Variants in ASNS observed in about 807,000 individuals in gnomAD.
The protein encoded by ASNS is asparagine synthetase [glutamine-hydrolyzing].
ASNS carries 37 observed loss-of-function variants against 62.6 expected under a neutral mutation model. The observed-to-expected ratio is 0.59, with a 90% CI of 0.45 to 0.78. The LOEUF (loss-of-function observed/expected upper bound fraction) is 0.78, where lower values mean the gene tolerates loss of function less well. ASNS is among the 30% of genes least tolerant of loss of function. The pLI is 0.00. For synonymous variants in ASNS, 207 were observed against 237.9 expected (o/e 0.87, Z 1.19); for missense variants, 520 against 682.4 (o/e 0.76, Z 2.65).
the ASNS span, among the ~76,000 whole-genome samples, chr7:97,917,533 C>T: frequency 2.0e-5 from 3 of 152,240 alleles, no homozygotes; most frequent in Non-Finnish European, 2.9e-5. Flanking sequence ...ACTTCCCCAG[C>T]TCAGCCGGGG....
chr7:97,911,192 G>A, the ASNS span, among the ~76,000 whole-genome samples: 1 of 151,954 alleles, frequency 6.6e-6, no homozygotes, highest in African/African-American at 2.4e-5. Flanking sequence ...CATAACTACT[G>A]TAAACTATTT....
chr7:97,865,698 C>A (rs916912997), intron 3 of ASNS, among the ~76,000 whole-genome samples: 1 of 152,158 alleles, frequency 6.6e-6, no homozygotes, highest in East Asian at 1.9e-4. Flanking sequence ...ATCTACAGGT[C>A]TTTTTGACAT....
At chr7:97,882,695 G>T in the ASNS span, among the ~76,000 whole-genome samples, 1 of 152,062 alleles carries the variant, frequency 6.6e-6, no homozygotes, top group South Asian at 2.1e-4. Flanking sequence ...ACTTCCCTCC[G>T]CCAAGCAGGG....
chr7:97,924,919 C>T, the ASNS span, among the ~76,000 whole-genome samples: 1 of 152,170 alleles, frequency 6.6e-6, no homozygotes, highest in Non-Finnish European at 1.5e-5. Context: ...GGCGGATCAC[C>T]TTAGGTCAGG....
intron 7 of ASNS, among the ~76,000 whole-genome samples, chr7:97,857,742 GTA>G (rs1004738030): frequency 8.6e-5 from 13 of 151,360 alleles, no homozygotes; most frequent in African/African-American, 3.2e-4. Flanking sequence ...AGCCTCCCAA[GTA>G]TCTGGGACTA....
Position 97,855,352 on chromosome 7 carries a change from C to T in ASNS, c.1137+1G>A, listed in dbSNP as rs1791383191. 1 of 1,604,482 alleles carries T rather than the reference C, an allele frequency of 6.2e-7. No individual in the cohort carries two copies. Among genetic ancestry groups the T allele is most frequent in the South Asian group, 1.1e-5 (1 of 90,688 alleles). ...ATATCCCTCCACTTCAGAGTGGTTA[C>T]CTTGTGAAAATATATGTAACCCTGC... On this transcript the variant is annotated splice_donor_variant, in intron 9 of 12. Transcript: ENST00000394308. LOFTEE classifies it high-confidence loss of function.
chr7:97,919,838 G>A, the ASNS span, among the ~76,000 whole-genome samples: 1 of 151,438 alleles, frequency 6.6e-6, no homozygotes, highest in African/African-American at 2.5e-5. Context: ...TGAACACAAG[G>A]AAAAGGAAAG....
chr7:97,870,176 AT>A, intron 1 of ASNS: 1 of 938,636 alleles, frequency 1.1e-6, no homozygotes, highest in Non-Finnish European at 1.5e-6. Flanking sequence ...CATGTGTGGC[AT>A]TTGGGCCCTG....
the ASNS span, among the ~76,000 whole-genome samples, chr7:97,896,625 T>C: frequency 0.04 from 5,240 of 129,654 alleles, 281 homozygotes; most frequent in African/African-American, 0.1. Flanking sequence ...ACCACATATA[T>C]ATATGTATAT....
At chr7:97,854,813 C>A in intron 9 of ASNS, 133 bp from the exon 10 acceptor site, 3 of 1,502,958 alleles carry the variant, frequency 2.0e-6, no homozygotes, top group Non-Finnish European at 2.7e-6. Flanking sequence ...AATAACTGAA[C>A]AGAGGTAAGC....
At chr7:97,903,549 C>T in the ASNS span, among the ~76,000 whole-genome samples, 1 of 152,172 alleles carries the variant, frequency 6.6e-6, no homozygotes, top group Admixed American at 6.5e-5. Flanking sequence ...CAGGGAGGTA[C>T]CTATTTGTTT....
chr7:97,854,362 A>C (rs1360466072), intron 10 of ASNS, among the ~76,000 whole-genome samples: 2 of 152,180 alleles, frequency 1.3e-5, no homozygotes, highest in African/African-American at 2.4e-5. Context: ...ATATACCACA[A>C]CACCACTTTG....
At chr7:97,876,125 G>C (rs1202751518), upstream of ASNS, among the ~76,000 whole-genome samples, 1 of 152,144 alleles carries the variant, frequency 6.6e-6, no homozygotes, top group Non-Finnish European at 1.5e-5. Context: ...CCAAAGTGCT[G>C]AGATGATAGG....
chr7:97,863,472 G>T, intron 4 of ASNS: 1 of 152,498 alleles, frequency 6.6e-6, no homozygotes, highest in Non-Finnish European at 1.5e-5. Context: ...CAACTGCAGG[G>T]GTGCAGCTGA....
chr7:97,900,101 T>C, the ASNS span, among the ~76,000 whole-genome samples: 2 of 152,156 alleles, frequency 1.3e-5, no homozygotes, highest in African/African-American at 4.8e-5. Flanking sequence ...GGCTCAAGCC[T>C]GTAATCCCAG....
At chr7:97,911,511 G>A in the ASNS span, among the ~76,000 whole-genome samples, 4 of 149,608 alleles carry the variant, frequency 2.7e-5, no homozygotes, top group African/African-American at 7.4e-5. Context: ...GCATGGTGGT[G>A]TGCACCTGCA....
chr7:97,857,293 G>T (rs1301193622), intron 7 of ASNS, among the ~76,000 whole-genome samples: 1 of 152,090 alleles, frequency 6.6e-6, no homozygotes, highest in African/African-American at 2.4e-5. Context: ...CTGCTCTCTA[G>T]CTTTTTCTCA....
chr7:97,886,182 C>T, the ASNS span: 8 of 274,448 alleles, frequency 2.9e-5, no homozygotes, highest in Non-Finnish European at 5.7e-5. Context: ...GCGTCTTCCT[C>T]TGTCGCCCAG....
the ASNS span, among the ~76,000 whole-genome samples, chr7:97,909,707 A>G: frequency 7.9e-5 from 12 of 152,088 alleles, no homozygotes; most frequent in African/African-American, 2.9e-4. Context: ...CTTGAGTTCA[A>G]TCAACTGAGG....
Sources: allele counts gnomAD v4.1 joint callset (sites outside exome capture counted in the v4.1 genomes callset), GRCh38; gene constraint gnomAD v4.1.1; transcripts MANE v1.5; gene names NCBI Gene and HGNC (gene_info 2026-07-23, HGNC 2026-07-21).